Variants in ADAMTSL1 observed in about 807,000 individuals in gnomAD.
The protein encoded by ADAMTSL1 is ADAMTS-like protein 1.
ADAMTSL1 carries 126 observed loss-of-function variants against 201.8 expected under a neutral mutation model. The ratio of observed to expected loss-of-function variants is 0.62; its 90% CI spans 0.54 to 0.72. The LOEUF (loss-of-function observed/expected upper bound fraction) is 0.72, where lower values mean the gene tolerates loss of function less well. Among genes scored for constraint, ADAMTSL1 ranks in the 30% least tolerant of loss-of-function variants. The probability of loss-of-function intolerance (pLI) is 0.00; values close to 1 mark genes in which losing one functional copy is unlikely to be tolerated. For synonymous variants in ADAMTSL1, 1,121 were observed against 903.4 expected (o/e 1.24, Z -4.32); for missense variants, 2,679 against 2,277.8 (o/e 1.18, Z -3.59).
intron 2 of ADAMTSL1, among the ~76,000 whole-genome samples, chr9:18,278,099 T>C (rs112931834): frequency 0.014 from 2,128 of 152,290 alleles, 59 homozygotes; most frequent in African/African-American, 0.049. Flanking sequence ...AATTTTCATC[T>C]TTTATATATT....
intron 1 of ADAMTSL1, among the ~76,000 whole-genome samples, chr9:18,044,391 T>C (rs1399715493): frequency 6.6e-6 from 1 of 152,082 alleles, no homozygotes; most frequent in African/African-American, 2.4e-5. Context: ...TGTGAAACTA[T>C]GAGTGGACCA....
At chr9:17,965,939 C>T (rs569038297) in intron 1 of ADAMTSL1, among the ~76,000 whole-genome samples, 2 of 152,288 alleles carry the variant, frequency 1.3e-5, no homozygotes, top group African/African-American at 4.8e-5. Flanking sequence ...TGGCCTGTTC[C>T]AATCACTTGG....
chr9:18,399,597 C>A (rs1347736912), intron 2 of ADAMTSL1, among the ~76,000 whole-genome samples: 1 of 151,574 alleles, frequency 6.6e-6, no homozygotes, highest in Non-Finnish European at 1.5e-5. Flanking sequence ...GTGATCTACC[C>A]GCCTCGGCCT....
chr9:18,803,174 C>T (rs1280549840), intron 20 of ADAMTSL1, among the ~76,000 whole-genome samples: 1 of 152,218 alleles, frequency 6.6e-6, no homozygotes, highest in Non-Finnish European at 1.5e-5. Flanking sequence ...CAGGCTTTAT[C>T]CCTTTCCGAA....
Position 18,299,283 on chromosome 9 carries a change from A to G in ADAMTSL1, c.207+135302A>G, listed in dbSNP as rs187361616. ...TGCCTTTTTAGGTAGTTTTTACTGT[A>G]TAAATTTGAACTCCCTCCCCAAGCA... On this transcript the variant is annotated intron_variant, in intron 2 of 29. Coordinates refer to the ADAMTSL1 transcript ENST00000680146. Among the ~76,000 whole-genome samples, 79 of 152,252 alleles carry G rather than the reference A, an allele frequency of 5.2e-4. 1 individual carries two copies. The East Asian group carries it at 0.014, about 27-fold the overall frequency.
chr9:18,217,161 T>C (rs761871881), intron 2 of ADAMTSL1, among the ~76,000 whole-genome samples: 8 of 152,228 alleles, frequency 5.3e-5, no homozygotes, highest in African/African-American at 9.6e-5. Flanking sequence ...ATTTTTGTTC[T>C]GTTGCCTGCT....
chr9:18,418,285 T>A (rs1247433675), intron 2 of ADAMTSL1, among the ~76,000 whole-genome samples: 1 of 152,110 alleles, frequency 6.6e-6, no homozygotes, highest in Non-Finnish European at 1.5e-5. Flanking sequence ...AGACTGAACG[T>A]TTCCCCCCCG....
Position 18,632,800 on chromosome 9 carries a change from T to G in ADAMTSL1, c.602-3143T>G, listed in dbSNP as rs372279070. Among the ~76,000 whole-genome samples the G allele has an allele frequency of 4.9e-4, 75 of 152,332 alleles. 2 individuals carry two copies. The East Asian group carries it at 0.014, about 28-fold the overall frequency. On this transcript the variant is annotated intron_variant, in intron 5 of 28. Transcript: ENST00000380548. Reference sequence around the variant, plus strand: ...TGGCTCTTCCTACTTCTGTGCCATGTGCTGCCAACTGCTAGAGTTTGTACC... The same window carrying G: ...TGGCTCTTCCTACTTCTGTGCCATGGGCTGCCAACTGCTAGAGTTTGTACC...
chr9:18,829,088 A>T (rs1824808998), intron 22 of ADAMTSL1, among the ~76,000 whole-genome samples: 1 of 152,288 alleles, frequency 6.6e-6, no homozygotes, highest in South Asian at 2.1e-4. Context: ...ATCTGGGATC[A>T]TCCCACCACT....
At chr9:18,138,002 G>A (rs560892751) in intron 1 of ADAMTSL1, among the ~76,000 whole-genome samples, 1 of 152,124 alleles carries the variant, frequency 6.6e-6, no homozygotes, top group African/African-American at 2.4e-5. Context: ...CTCTCCAGAA[G>A]CCCTGAGATG....
chr9:18,198,827 T>C lies in ADAMTSL1; in HGVS notation c.207+34846T>C, dbSNP rs1340215565. Reference sequence around the variant, plus strand: ...ATGCACACGTATGTTTATTGCGGCATTATTCACAACAGCAAAGACTTGGAA... The same window carrying C: ...ATGCACACGTATGTTTATTGCGGCACTATTCACAACAGCAAAGACTTGGAA... On this transcript the variant is annotated intron_variant, in intron 2 of 29. Transcript: ENST00000680146. Among the ~76,000 whole-genome samples the C allele has an allele frequency of 3.7e-3, 536 of 143,762 alleles. 3 individuals carry two copies. Among genetic ancestry groups the C allele is most frequent in the African/African-American group, 0.013 (517 of 38,674 alleles). The allele number at this position is 143,762 out of a possible 152,430, so 94.3% of individuals were successfully genotyped here.
chr9:18,816,053 C>T (rs1448987771), intron 20 of ADAMTSL1, among the ~76,000 whole-genome samples: 1 of 152,104 alleles, frequency 6.6e-6, no homozygotes. Context: ...CACATAGTCA[C>T]CCTACTGTGC....
At chr9:18,201,306 A>G (rs919600438) in intron 2 of ADAMTSL1, among the ~76,000 whole-genome samples, 1 of 152,082 alleles carries the variant, frequency 6.6e-6, no homozygotes, top group African/African-American at 2.4e-5. Flanking sequence ...CTAGCCATGT[A>G]CCTTCCAGTA....
At chr9:18,265,714 A>G (rs1225100473) in intron 2 of ADAMTSL1, among the ~76,000 whole-genome samples, 1 of 152,220 alleles carries the variant, frequency 6.6e-6, no homozygotes, top group Non-Finnish European at 1.5e-5. Context: ...TTTTGCCAAA[A>G]ATGTCTTTTA....
rs144132081 is a variant in ADAMTSL1 at position 18,042,235 on chromosome 9, A to C, written c.88-121627A>C. ...ATAGAAATAGTTAAGATTCATATGC[A>C]AAAGTTTCCAAAGCTTGATTTAGGG... On this transcript the variant is annotated intron_variant, in intron 1 of 29. Coordinates refer to the ADAMTSL1 transcript ENST00000680146. 3.3e-5 allele frequency among the ~76,000 whole-genome samples: 5 copies of C among 152,332 alleles called. No individual in the cohort carries two copies. The East Asian group carries it at 5.8e-4, about 18-fold the overall frequency.
chr9:18,509,972 T>C (rs531187969), intron 2 of ADAMTSL1, among the ~76,000 whole-genome samples: 19 of 152,276 alleles, frequency 1.2e-4, no homozygotes, highest in Admixed American at 7.8e-4. Context: ...ACCTTCCCAA[T>C]AGGGAAAGAT....
In ADAMTSL1 at chr9:18,590,528, A is replaced by T. The variant is rs114668471; in HGVS notation, c.474+16262A>T. 9.5e-3 allele frequency among the ~76,000 whole-genome samples: 1,445 copies of T among 151,852 alleles called. 20 individuals carry two copies. The highest frequency in any genetic ancestry group is 0.033 in the African/African-American group (1,383 of 41,456). ...CTCAATTTCATTTATTTCTGCTCAC[A>T]TCTTCAGTATTTATTTTCTGCTACT... On this transcript the variant is annotated intron_variant, in intron 4 of 28. Coordinates refer to ENST00000380548, the MANE Select transcript of ADAMTSL1 (RefSeq NM_001040272.6).
chr9:18,184,218 GT>G (rs1322058987), intron 2 of ADAMTSL1, among the ~76,000 whole-genome samples: 2 of 152,188 alleles, frequency 1.3e-5, no homozygotes, highest in African/African-American at 4.8e-5. Flanking sequence ...CAATTGTGGT[GT>G]AAAATTGTTA....
chr9:18,130,536 C>T (rs1177816519), intron 1 of ADAMTSL1, among the ~76,000 whole-genome samples: 2 of 152,090 alleles, frequency 1.3e-5, no homozygotes, highest in Admixed American at 1.3e-4. Context: ...AGGGTCCAGA[C>T]TTTCATAGAT....
Sources: gnomAD v4.1 joint callset for allele counts (sites outside exome capture counted in the v4.1 genomes callset) on GRCh38, gnomAD v4.1.1 for gene constraint, MANE v1.5 for transcripts, NCBI Gene and HGNC (gene_info 2026-07-23, HGNC 2026-07-21) for gene names.